The following RBM27 variants were observed in gnomAD, a reference collection of about 807,000 sequenced individuals.
The protein encoded by RBM27 is RNA-binding protein 27.
In RBM27, 22 loss-of-function variants were observed where a neutral mutation model predicts 135.3. That is an observed-to-expected ratio of 0.16 (90% CI 0.12 to 0.23). The LOEUF (loss-of-function observed/expected upper bound fraction) is 0.23, where lower values mean the gene tolerates loss of function less well. RBM27 is among the 10% of genes least tolerant of loss of function. RBM27 has a pLI of 1.00. For synonymous variants in RBM27, 481 were observed against 442.4 expected, an observed-to-expected ratio of 1.09 and a Z score of -1.10; for missense variants, 1,009 against 1,281.0, an observed-to-expected ratio of 0.79 and a Z score of 3.24.
chr5:146,271,425 T>G, intron 18 of RBM27, 58 bp from the exon 19 acceptor site: 1 of 1,441,124 alleles, frequency 6.9e-7, no homozygotes, highest in Non-Finnish European at 9.4e-7. Context: ...AGTTTTCCTT[T>G]GTTTTTAAGG....
intron 14 of RBM27, among the ~76,000 whole-genome samples, chr5:146,265,935 A>G (rs865941585): frequency 8.6e-5 from 13 of 151,886 alleles, no homozygotes; most frequent in Admixed American, 1.3e-4. Flanking sequence ...CTTAAGCGGG[A>G]AAAAAAAGGC....
chr5:146,225,664 C>T (rs1340128586), intron 3 of RBM27, among the ~76,000 whole-genome samples: 2 of 150,884 alleles, frequency 1.3e-5, no homozygotes, highest in South Asian at 2.1e-4. Flanking sequence ...CTCCTGGGTT[C>T]AAGCGATTCT....
At chr5:146,252,577 G>A (rs1757938943) in intron 9 of RBM27, among the ~76,000 whole-genome samples, 1 of 152,116 alleles carries the variant, frequency 6.6e-6, no homozygotes, top group Non-Finnish European at 1.5e-5. Context: ...AGTGCCAAGT[G>A]GTAACTGAAA....
chr5:146,268,229 C>T (rs2126875414), intron 15 of RBM27, among the ~76,000 whole-genome samples: 1 of 150,222 alleles, frequency 6.7e-6, no homozygotes, highest in Admixed American at 6.8e-5. Flanking sequence ...AGATTTTACT[C>T]TCTTATTTCT....
At chr5:146,215,797 C>CTGGA (rs944224397) in intron 1 of RBM27, among the ~76,000 whole-genome samples, 4 of 151,906 alleles carry the variant, frequency 2.6e-5, no homozygotes, top group African/African-American at 9.7e-5. Context: ...GTCACCCAGG[C>CTGGA]TGGAGTGCAG....
chr5:146,215,926 T>C (rs371735381), intron 1 of RBM27, among the ~76,000 whole-genome samples: 2 of 152,038 alleles, frequency 1.3e-5, no homozygotes, highest in South Asian at 2.1e-4. Flanking sequence ...AATTTTTGTA[T>C]TTTTAGTAGA....
intron 3 of RBM27, among the ~76,000 whole-genome samples, chr5:146,224,738 T>A (rs541961633): frequency 6.6e-6 from 1 of 152,030 alleles, no homozygotes; most frequent in African/African-American, 2.4e-5. Context: ...ATGACGTCTA[T>A]CTAGATAAAC....
At chr5:146,269,340 GTAT>G in intron 16 of RBM27, 59 bp downstream of exon 16, 1 of 1,483,868 alleles carries the variant, frequency 6.7e-7, no homozygotes, top group Non-Finnish European at 9.2e-7. Flanking sequence ...GATTTTAAAA[GTAT>G]TATTCATAAT....
chr5:146,238,657 AT>A (rs34275433), intron 8 of RBM27, among the ~76,000 whole-genome samples: 35,804 of 142,194 alleles, frequency 0.25, 4,484 homozygotes, highest in Admixed American at 0.37. Flanking sequence ...AAATTAGAAG[AT>A]TTTTTTTTTT....
chr5:146,240,026 C>G (rs1022643381), intron 8 of RBM27, among the ~76,000 whole-genome samples: 2 of 151,930 alleles, frequency 1.3e-5, no homozygotes, highest in Non-Finnish European at 2.9e-5. Flanking sequence ...TTTCTCCCAC[C>G]TGAGCGTCCC....
intron 7 of RBM27, among the ~76,000 whole-genome samples, chr5:146,236,953 T>TTC (rs1263710054): frequency 2.0e-4 from 30 of 147,896 alleles, no homozygotes; most frequent in Non-Finnish European, 4.5e-4. Context: ...TTTTTTTTTT[T>TTC]TCGAGACAGA....
intron 19 of RBM27, among the ~76,000 whole-genome samples, chr5:146,282,124 GC>G (rs1759385608): frequency 6.7e-6 from 1 of 149,420 alleles, no homozygotes. Flanking sequence ...TCCTGCCTCA[GC>G]CTCCTGAGTA....
intron 4 of RBM27, 106 bp from the exon 5 acceptor site, chr5:146,229,611 C>A: frequency 1.1e-6 from 1 of 925,510 alleles, no homozygotes; most frequent in Non-Finnish European, 1.6e-6. Context: ...TCTAAAAAAG[C>A]ATAGATATGC....
At chr5:146,232,995 G>A (rs564567371) in intron 6 of RBM27, among the ~76,000 whole-genome samples, 2 of 152,144 alleles carry the variant, frequency 1.3e-5, no homozygotes, top group South Asian at 4.1e-4. Flanking sequence ...TAATGTTCAC[G>A]TGAATATTTG....
intron 20 of RBM27, 104 bp from the exon 21 acceptor site, chr5:146,285,843 T>C: frequency 2.6e-6 from 2 of 773,888 alleles, no homozygotes; most frequent in Non-Finnish European, 4.2e-6. Context: ...CCTTATGAAA[T>C]CTAGCCTGGG....
chr5:146,282,064 C>T (rs188005193), intron 19 of RBM27, among the ~76,000 whole-genome samples: 123 of 133,094 alleles, frequency 9.2e-4, no homozygotes, highest in Non-Finnish European at 1.2e-3. Flanking sequence ...ATCACAGTGG[C>T]GCGATCTCGG....
At chr5:146,243,820 C>T (rs1276951368) in intron 8 of RBM27, among the ~76,000 whole-genome samples, 2 of 152,008 alleles carry the variant, frequency 1.3e-5, no homozygotes, top group Non-Finnish European at 2.9e-5. Context: ...TTTAGTTGTG[C>T]AGATGATGTC....
chr5:146,256,557 G>A (rs1472834788), intron 10 of RBM27, among the ~76,000 whole-genome samples: 1 of 151,630 alleles, frequency 6.6e-6, no homozygotes, highest in East Asian at 1.9e-4. Flanking sequence ...CACCATATTG[G>A]TCAGGCTGGT....
rs114469462 is a variant in RBM27 at position 146,228,796 on chromosome 5, A to G, written c.304-150A>G. Reference sequence around the variant, plus strand: ...ACTTATTTTATTTATTATTTTTAGTAGAGATGGAGTCTCCCTGTGTTTCCC... The same window carrying G: ...ACTTATTTTATTTATTATTTTTAGTGGAGATGGAGTCTCCCTGTGTTTCCC... On this transcript the variant is annotated intron_variant, in intron 3 of 20. Transcript: ENST00000265271. 1.1e-3 allele frequency: 608 copies of G among 544,100 alleles called. 5 individuals carry two copies. The highest frequency in any genetic ancestry group is 0.011 in the African/African-American group (560 of 51,668). 33.7% of individuals were successfully genotyped at this position (544,100 alleles called of 1,614,324 possible). A position where few individuals can be genotyped will look rare whatever the true frequency, so the allele number is the denominator to read the frequency against.
Sources: gnomAD v4.1 joint callset for allele counts (sites outside exome capture counted in the v4.1 genomes callset) on GRCh38, gnomAD v4.1.1 for gene constraint, MANE v1.5 for transcripts, NCBI Gene and HGNC (gene_info 2026-07-23, HGNC 2026-07-21) for gene names.